ERBB4: variants seen among roughly 807,000 people sequenced by gnomAD.
The protein encoded by ERBB4 is erb-b2 receptor tyrosine kinase 4.
ERBB4 carries 42 observed loss-of-function variants against 158.0 expected under a neutral mutation model. The observed-to-expected ratio is 0.27, with a 90% CI of 0.21 to 0.34. The LOEUF is 0.34. ERBB4 is among the 10% of genes least tolerant of loss of function. The pLI is 1.00. For missense variants in ERBB4, 1,333 were observed against 1,624.1 expected, an observed-to-expected ratio of 0.82 and a Z score of 3.08; for synonymous variants, 583 against 558.7, an observed-to-expected ratio of 1.04 and a Z score of -0.61.
At chr2:212,207,963 A>G (rs2082817489) in intron 1 of ERBB4, among the ~76,000 whole-genome samples, 1 of 152,136 alleles carries the variant, frequency 6.6e-6, no homozygotes, top group South Asian at 2.1e-4. Flanking sequence ...AAAGTAAAAT[A>G]AACTGTGCTA....
At chr2:211,847,840 A>C (rs1166492734) in intron 3 of ERBB4, among the ~76,000 whole-genome samples, 2 of 152,116 alleles carry the variant, frequency 1.3e-5, no homozygotes, top group Non-Finnish European at 2.9e-5. Flanking sequence ...AATTTTCATA[A>C]TAGCGTGATG....
intron 1 of ERBB4, among the ~76,000 whole-genome samples, chr2:212,499,285 T>C (rs574597932): frequency 2.0e-4 from 31 of 152,098 alleles, no homozygotes; most frequent in African/African-American, 7.2e-4. Flanking sequence ...ATTTCAGTAA[T>C]TTTTTATTAT....
At chr2:212,314,254 T>C (rs1207040164) in intron 1 of ERBB4, among the ~76,000 whole-genome samples, 2 of 151,090 alleles carry the variant, frequency 1.3e-5, no homozygotes, top group Non-Finnish European at 3.0e-5. Flanking sequence ...ACATAGTTTC[T>C]CAGACTTTGT....
At chr2:211,636,330 T>C (rs755753039) in intron 16 of ERBB4, among the ~76,000 whole-genome samples, 14 of 152,040 alleles carry the variant, frequency 9.2e-5, no homozygotes, top group Non-Finnish European at 1.9e-4. Flanking sequence ...ATCTAAGTTT[T>C]AATCATATGT....
chr2:212,158,620 T>A (rs993624161), intron 1 of ERBB4, among the ~76,000 whole-genome samples: 1 of 151,994 alleles, frequency 6.6e-6, no homozygotes, highest in African/African-American at 2.4e-5. Context: ...TATTAAGTAA[T>A]CATGTCTCTC....
chr2:212,175,374 C>T (rs2081632105), intron 1 of ERBB4, among the ~76,000 whole-genome samples: 1 of 151,962 alleles, frequency 6.6e-6, no homozygotes, highest in South Asian at 2.1e-4. Context: ...GTCACTGTTT[C>T]TCTCTGCTTT....
At chr2:211,700,948 T>C (rs183023616) in intron 12 of ERBB4, among the ~76,000 whole-genome samples, 1 of 152,268 alleles carries the variant, frequency 6.6e-6, no homozygotes, top group East Asian at 1.9e-4. Context: ...GTTGTACTCA[T>C]AATAGTGGCA....
intron 1 of ERBB4, among the ~76,000 whole-genome samples, chr2:212,516,763 T>A (rs974469593): frequency 5.9e-5 from 9 of 152,124 alleles, no homozygotes; most frequent in African/African-American, 2.2e-4. Context: ...ACTCTTGACG[T>A]CCCATATAGA....
At chr2:211,468,972 T>TTG (rs2064767155) in intron 20 of ERBB4, among the ~76,000 whole-genome samples, 1 of 149,040 alleles carries the variant, frequency 6.7e-6, no homozygotes, top group Non-Finnish European at 1.5e-5. Flanking sequence ...ATGTACAGCA[T>TTG]TGTCAAGTTG....
At chr2:211,447,383 A>G (rs1431494255) in intron 20 of ERBB4, among the ~76,000 whole-genome samples, 2 of 144,336 alleles carry the variant, frequency 1.4e-5, no homozygotes, top group African/African-American at 5.6e-5. Flanking sequence ...TAATTACAAG[A>G]AAAAAAAAAT....
At chr2:212,379,362 A>G (rs2090429562) in intron 1 of ERBB4, among the ~76,000 whole-genome samples, 2 of 151,734 alleles carry the variant, frequency 1.3e-5, no homozygotes, top group Non-Finnish European at 3.0e-5. Context: ...GAGCACAGCT[A>G]TGTGAAGTTT....
intron 1 of ERBB4, among the ~76,000 whole-genome samples, chr2:212,358,114 C>G (rs1275045266): frequency 6.6e-6 from 1 of 151,832 alleles, no homozygotes; most frequent in Non-Finnish European, 1.5e-5. Context: ...TTTATAACCT[C>G]ATTTCTAAAA....
rs200092686 is a variant in ERBB4, at chr2:211,702,099, T to A, written c.1357A>T (p.Ile453Phe). 1 of 1,614,154 alleles carries A rather than the reference T, an allele frequency of 6.2e-7. No individual in the cohort carries two copies. The highest frequency in any genetic ancestry group is 8.5e-7 in the Non-Finnish European group (1 of 1,180,016). ...TSLQFQSLKEISAGNIYITDN... is the reference protein window; with the variant it reads ...TSLQFQSLKEFSAGNIYITDN... ...GTAATATAGATGTTTCCTGCGCTGA[T>A]TTCCTTCAGGGACTGGAACTGTAGA... The change falls in exon 12 of 28, where the codon ATC becomes TTC. Residue 453 changes from isoleucine to phenylalanine, a missense_variant. Ile to Phe is a conservative substitution (Grantham distance 21, BLOSUM62 0). Around this residue, in one of 5 missense-constraint regions of ERBB4, gnomAD observed 438 missense variants for 586.9 expected, o/e 0.75. Transcript: ENST00000342788.
At chr2:211,386,324 C>T (rs1010816106) in intron 27 of ERBB4, among the ~76,000 whole-genome samples, 1 of 152,040 alleles carries the variant, frequency 6.6e-6, no homozygotes, top group African/African-American at 2.4e-5. Flanking sequence ...AGGGTCAAAC[C>T]TTTAATTTTT....
At chr2:211,881,852 A>G (rs1320618062) in intron 3 of ERBB4, among the ~76,000 whole-genome samples, 1 of 152,154 alleles carries the variant, frequency 6.6e-6, no homozygotes, top group Non-Finnish European at 1.5e-5. Flanking sequence ...ATTTGTAGCC[A>G]TGAGACAACG....
chr2:211,549,862 TC>T (rs2067035060), intron 20 of ERBB4, among the ~76,000 whole-genome samples: 1 of 152,072 alleles, frequency 6.6e-6, no homozygotes, highest in Non-Finnish European at 1.5e-5. Flanking sequence ...AAAAATGGAA[TC>T]CCTGCTCCTG....
chr2:212,211,851 T>C (rs112164824), intron 1 of ERBB4, among the ~76,000 whole-genome samples: 5 of 152,214 alleles, frequency 3.3e-5, no homozygotes, highest in African/African-American at 1.2e-4. Flanking sequence ...TTGCTGATGA[T>C]GGCTTATAGC....
chr2:212,342,263 G>A (rs538445294), intron 1 of ERBB4, among the ~76,000 whole-genome samples: 1 of 152,242 alleles, frequency 6.6e-6, no homozygotes, highest in South Asian at 2.1e-4. Context: ...ATCTCATCTT[G>A]AATTGTAGCT....
chr2:212,308,291 ATAAT>A (rs1230004293), intron 1 of ERBB4, among the ~76,000 whole-genome samples: 3 of 151,166 alleles, frequency 2.0e-5, no homozygotes, highest in Non-Finnish European at 4.5e-5. Flanking sequence ...ATTCACAAAA[ATAAT>A]TAGTTTTTCT....
Sources: gnomAD v4.1 joint callset for allele counts (sites outside exome capture counted in the v4.1 genomes callset) on GRCh38, gnomAD v4.1.1 for gene constraint, gnomAD v4.1.1 regional missense constraint, MANE v1.5 for transcripts, NCBI Gene and HGNC (gene_info 2026-07-23, HGNC 2026-07-21) for gene names.